ESR1: variants seen among roughly 807,000 people sequenced by gnomAD.
The protein encoded by ESR1 is estrogen receptor.
A neutral mutation model predicts 52.7 loss-of-function variants in ESR1; 12 were observed. That is an observed-to-expected ratio of 0.23 (90% CI 0.15 to 0.37). The LOEUF is 0.37. Among genes scored for constraint, ESR1 ranks in the 10% least tolerant of loss-of-function variants. The pLI is 1.00. For missense variants in ESR1, 584 were observed against 779.7 expected (o/e 0.75, Z 2.99); for synonymous variants, 305 against 316.8 (o/e 0.96, Z 0.39).
chr6:151,823,934 A>G (rs549182129), intron 1 of ESR1, among the ~76,000 whole-genome samples: 1 of 152,282 alleles, frequency 6.6e-6, no homozygotes, highest in Admixed American at 6.5e-5. Context: ...ATAAACATAC[A>G]TGTGCATGTG....
At chr6:151,975,859 A>G (rs902162497) in intron 4 of ESR1, among the ~76,000 whole-genome samples, 1 of 152,164 alleles carries the variant, frequency 6.6e-6, no homozygotes, top group Admixed American at 6.5e-5. Flanking sequence ...TTATCTATAA[A>G]CCTAAGGTTT....
chr6:152,067,488 C>A (rs558977323), intron 6 of ESR1, among the ~76,000 whole-genome samples: 1 of 152,168 alleles, frequency 6.6e-6, no homozygotes, highest in African/African-American at 2.4e-5. Flanking sequence ...AATTTGATTA[C>A]CATTTTATCC....
chr6:151,698,455 G>A (rs1481395663), intron 1 of ESR1, among the ~76,000 whole-genome samples: 1 of 151,922 alleles, frequency 6.6e-6, no homozygotes, highest in Non-Finnish European at 1.5e-5. Flanking sequence ...ATAAAAGACA[G>A]ACATGTTTTC....
At chr6:152,113,613 TAAA>T (rs1201725386) in intron 6 of ESR1, among the ~76,000 whole-genome samples, 2 of 151,852 alleles carry the variant, frequency 1.3e-5, no homozygotes, top group African/African-American at 4.8e-5. Context: ...ACCACAATCT[TAAA>T]AAAGAAAGAA....
chr6:151,746,631 A>C (rs1474891940), intron 2 of ESR1, among the ~76,000 whole-genome samples: 1 of 152,206 alleles, frequency 6.6e-6, no homozygotes, highest in Non-Finnish European at 1.5e-5. Context: ...ATCTTAACTG[A>C]GTCTGATTTG....
At chr6:151,816,751 A>C (rs562588716) in intron 1 of ESR1, among the ~76,000 whole-genome samples, 15 of 152,270 alleles carry the variant, frequency 9.9e-5, no homozygotes, top group East Asian at 7.7e-4. Context: ...TGTAAAAAAA[A>C]CTTCAAATTT....
chr6:152,033,734 G>A (rs1290770139), intron 5 of ESR1, among the ~76,000 whole-genome samples: 1 of 152,180 alleles, frequency 6.6e-6, no homozygotes, highest in Non-Finnish European at 1.5e-5. Context: ...AATTCAGTGT[G>A]GCGATTCCTC....
At chr6:151,779,588 A>G in intron 2 of ESR1, among the ~76,000 whole-genome samples, 1 of 152,224 alleles carries the variant, frequency 6.6e-6, no homozygotes, top group Non-Finnish European at 1.5e-5. Flanking sequence ...AGTGTAAATT[A>G]TTTCAACCAT....
At chr6:151,862,811 T>A (rs749263665) in intron 2 of ESR1, among the ~76,000 whole-genome samples, 5 of 152,092 alleles carry the variant, frequency 3.3e-5, no homozygotes, top group Non-Finnish European at 5.9e-5. Flanking sequence ...GTGGTGAAGT[T>A]TATTGCTTAG....
chr6:152,080,405 G>A (rs966794323), intron 6 of ESR1, among the ~76,000 whole-genome samples: 1 of 152,090 alleles, frequency 6.6e-6, no homozygotes, highest in Admixed American at 6.5e-5. Flanking sequence ...GCCAAACTAA[G>A]CTTCATAAGT....
At chr6:151,910,056 C>T (rs1798035344) in intron 3 of ESR1, among the ~76,000 whole-genome samples, 1 of 151,260 alleles carries the variant, frequency 6.6e-6, no homozygotes, top group African/African-American at 2.4e-5. Flanking sequence ...GGCAGTACCA[C>T]CCTTTTTATC....
intron 5 of ESR1, among the ~76,000 whole-genome samples, chr6:152,015,042 G>C (rs2043065944): frequency 6.6e-6 from 1 of 152,024 alleles, no homozygotes. Flanking sequence ...ACTCCAGCCT[G>C]GATGAAATTC....
At chr6:151,969,754 G>A (rs2038705621) in intron 4 of ESR1, among the ~76,000 whole-genome samples, 1 of 152,166 alleles carries the variant, frequency 6.6e-6, no homozygotes, top group Non-Finnish European at 1.5e-5. Context: ...AAACACCTTA[G>A]ACGTTTTTTC....
intron 2 of ESR1, among the ~76,000 whole-genome samples, chr6:151,776,542 A>C (rs979486912): frequency 2.6e-5 from 4 of 152,184 alleles, no homozygotes; most frequent in African/African-American, 7.2e-5. Flanking sequence ...TGCATTCAGA[A>C]GACTGGCCAC....
chr6:151,764,196 A>G (rs1431410782), intron 2 of ESR1, among the ~76,000 whole-genome samples: 1 of 152,188 alleles, frequency 6.6e-6, no homozygotes, highest in Non-Finnish European at 1.5e-5. Context: ...TCCTGGGCAA[A>G]CAAATCAGTA....
At chr6:151,887,117 G>A (rs1413537417) in intron 3 of ESR1, among the ~76,000 whole-genome samples, 1 of 151,628 alleles carries the variant, frequency 6.6e-6, no homozygotes, top group East Asian at 1.9e-4. Flanking sequence ...TAAAAATGTA[G>A]ATGTGAATTA....
intron 5 of ESR1, among the ~76,000 whole-genome samples, chr6:152,046,625 A>G (rs1304599385): frequency 6.6e-6 from 1 of 152,246 alleles, no homozygotes; most frequent in East Asian, 1.9e-4. Flanking sequence ...AGAAGACAAA[A>G]TAAGAATGAA....
At chr6:151,948,160 G>T (rs1351772307) in intron 4 of ESR1, among the ~76,000 whole-genome samples, 2 of 152,110 alleles carry the variant, frequency 1.3e-5, no homozygotes, top group Non-Finnish European at 2.9e-5. Flanking sequence ...ACACTCAATT[G>T]CATCATTGAG....
At chr6:152,031,573 C>A (rs2128866936) in intron 5 of ESR1, among the ~76,000 whole-genome samples, 1 of 152,296 alleles carries the variant, frequency 6.6e-6, no homozygotes, top group South Asian at 2.1e-4. Flanking sequence ...CATACACCCT[C>A]CCAAGACTAA....
Sources: gnomAD v4.1 joint callset for allele counts (sites outside exome capture counted in the v4.1 genomes callset) on GRCh38, gnomAD v4.1.1 for gene constraint, MANE v1.5 for transcripts, NCBI Gene and HGNC (gene_info 2026-07-23, HGNC 2026-07-21) for gene names.